CREB5: variants seen among roughly 807,000 people sequenced by gnomAD.
CREB5 encodes cyclic AMP-responsive element-binding protein 5.
A neutral mutation model predicts 57.1 loss-of-function variants in CREB5; 19 were observed. That is an observed-to-expected ratio of 0.33 (90% CI 0.23 to 0.49). The LOEUF is 0.49. Among genes scored for constraint, CREB5 ranks in the 20% least tolerant of loss-of-function variants. The pLI is 0.99. For synonymous variants in CREB5, 238 were observed against 238.3 expected (o/e 1.00, Z 0.01); for missense variants, 579 against 671.6 (o/e 0.86, Z 1.52).
At chr7:28,423,367 T>A (rs1788355960) in intron 1 of CREB5, among the ~76,000 whole-genome samples, 1 of 152,186 alleles carries the variant, frequency 6.6e-6, no homozygotes, top group Non-Finnish European at 1.5e-5. Context: ...ATAGAACTTG[T>A]ACCAGGTAAG....
intron 5 of CREB5, among the ~76,000 whole-genome samples, chr7:28,667,326 T>C (rs1441330515): frequency 6.6e-6 from 1 of 150,964 alleles, no homozygotes; most frequent in African/African-American, 2.4e-5. Flanking sequence ...CAAGTTTTGT[T>C]TGGGGCAATT....
chr7:28,416,080 T>C (rs1476749246), intron 1 of CREB5, among the ~76,000 whole-genome samples: 1 of 152,228 alleles, frequency 6.6e-6, no homozygotes, highest in Non-Finnish European at 1.5e-5. Flanking sequence ...TAGTCTGTGC[T>C]GTATTTAAGA....
chr7:28,664,534 G>T (rs1799736914), intron 5 of CREB5, among the ~76,000 whole-genome samples: 1 of 151,816 alleles, frequency 6.6e-6, no homozygotes, highest in African/African-American at 2.4e-5. Context: ...CTTCTCTTGT[G>T]CCTACCGTTT....
intron 5 of CREB5, among the ~76,000 whole-genome samples, chr7:28,599,665 C>T (rs1259118615): frequency 6.6e-6 from 1 of 152,194 alleles, no homozygotes; most frequent in African/African-American, 2.4e-5. Context: ...AATTCCAACA[C>T]CTATTTCTAT....
At chr7:28,707,294 C>A (rs370584279) in intron 5 of CREB5, among the ~76,000 whole-genome samples, 1 of 152,178 alleles carries the variant, frequency 6.6e-6, no homozygotes, top group Non-Finnish European at 1.5e-5. Context: ...ATGCATTGAT[C>A]GTCTTCAAAG....
At chr7:28,621,348 C>T (rs1797784027) in intron 5 of CREB5, among the ~76,000 whole-genome samples, 1 of 152,148 alleles carries the variant, frequency 6.6e-6, no homozygotes, top group Non-Finnish European at 1.5e-5. Flanking sequence ...AAAGTATTTA[C>T]AATACCCCTT....
chr7:28,811,089 A>ACTAT (rs899598437), intron 9 of CREB5, among the ~76,000 whole-genome samples: 28 of 152,220 alleles, frequency 1.8e-4, no homozygotes, highest in African/African-American at 5.3e-4. Context: ...CCCTCCGCCC[A>ACTAT]CTATCTATCT....
chr7:28,509,441 T>G (rs999316849), intron 4 of CREB5, among the ~76,000 whole-genome samples: 6 of 152,210 alleles, frequency 3.9e-5, no homozygotes, highest in African/African-American at 9.6e-5. Flanking sequence ...GAGAATCATG[T>G]AACTGGTTCT....
chr7:28,433,388 G>T (rs1363444613), intron 1 of CREB5, among the ~76,000 whole-genome samples: 3 of 152,046 alleles, frequency 2.0e-5, no homozygotes, highest in African/African-American at 7.2e-5. Flanking sequence ...GATTAAAAGG[G>T]GTATTGAACA....
At chr7:28,315,728 G>A (rs930215803) in intron 1 of CREB5, among the ~76,000 whole-genome samples, 5 of 152,156 alleles carry the variant, frequency 3.3e-5, no homozygotes, top group African/African-American at 4.8e-5. Flanking sequence ...GACTTGCCTC[G>A]GTGGCAAAGT....
chr7:28,777,767 T>C (rs1806745209), intron 7 of CREB5, among the ~76,000 whole-genome samples: 1 of 152,192 alleles, frequency 6.6e-6, no homozygotes, highest in African/African-American at 2.4e-5. Context: ...TTTAAAATTA[T>C]AGTATTTATT....
intron 5 of CREB5, among the ~76,000 whole-genome samples, chr7:28,649,080 A>G (rs183157813): frequency 6.6e-6 from 1 of 152,350 alleles, no homozygotes; most frequent in Admixed American, 6.5e-5. Flanking sequence ...CCTGGAAGAC[A>G]TAAATAAATT....
intron 5 of CREB5, among the ~76,000 whole-genome samples, chr7:28,691,419 C>CAA (rs1562574947): frequency 0.083 from 7,600 of 91,552 alleles, 407 homozygotes; most frequent in Middle Eastern, 0.22. Context: ...GACTCTGTCT[C>CAA]CAAAAAAAAA....
chr7:28,394,668 A>T (rs1462945311), intron 1 of CREB5, among the ~76,000 whole-genome samples: 1 of 152,180 alleles, frequency 6.6e-6, no homozygotes. Flanking sequence ...ACCTTTTCAC[A>T]TTCAGCACAG....
chr7:28,471,825 A>G (rs555950128), intron 1 of CREB5, among the ~76,000 whole-genome samples: 2 of 152,322 alleles, frequency 1.3e-5, no homozygotes, highest in African/African-American at 4.8e-5. Context: ...AATGTTCATA[A>G]TAGAAAAAAT....
chr7:28,417,345 T>TTC (rs1312888585), intron 1 of CREB5, among the ~76,000 whole-genome samples: 176 of 142,244 alleles, frequency 1.2e-3, no homozygotes, highest in African/African-American at 4.4e-3. Flanking sequence ...CATTCTCTCT[T>TTC]TCTCTCTCTT....
chr7:28,315,234 C>T (rs1341040874), intron 1 of CREB5, among the ~76,000 whole-genome samples: 1 of 152,250 alleles, frequency 6.6e-6, no homozygotes, highest in African/African-American at 2.4e-5. Flanking sequence ...GGGACTACAG[C>T]ACAAATCCTT....
At chr7:28,425,608 A>C (rs758018735) in intron 1 of CREB5, among the ~76,000 whole-genome samples, 1 of 152,210 alleles carries the variant, frequency 6.6e-6, no homozygotes, top group Non-Finnish European at 1.5e-5. Flanking sequence ...GGTCTCAATA[A>C]AGCTGTTAAG....
Position 28,497,194 on chromosome 7 carries a change from C to T in CREB5, c.169+2195C>T, listed in dbSNP as rs902491867. Among the ~76,000 whole-genome samples, 5 of 152,222 alleles carry T rather than the reference C, an allele frequency of 3.3e-5. No individual in the cohort carries two copies. In the South Asian group the frequency reaches 8.3e-4, roughly 25 times the overall value. Reference sequence around the variant, plus strand: ...GTACCAGACAGAGCAGCCTTTCAGGCAGGCTGCCAGGATGGTCCTCTAAGG... The same window carrying T: ...GTACCAGACAGAGCAGCCTTTCAGGTAGGCTGCCAGGATGGTCCTCTAAGG... On this transcript the variant is annotated intron_variant, in intron 3 of 10. Coordinates refer to ENST00000357727, the MANE Select transcript of CREB5 (RefSeq NM_182898.4).
Sources: gnomAD v4.1 joint callset for allele counts (sites outside exome capture counted in the v4.1 genomes callset) on GRCh38, gnomAD v4.1.1 for gene constraint, MANE v1.5 for transcripts, NCBI Gene and HGNC (gene_info 2026-07-23, HGNC 2026-07-21) for gene names.